The following SYCP2L variants were observed in gnomAD, a reference collection of about 807,000 sequenced individuals.
SYCP2L encodes synaptonemal complex protein 2-like.
Under a neutral mutation model 125.8 loss-of-function variants are expected in SYCP2L, and 98 were observed. The ratio of observed to expected loss-of-function variants is 0.78; its 90% CI spans 0.66 to 0.92. The LOEUF (loss-of-function observed/expected upper bound fraction) is 0.92. SYCP2L is among the 40% of genes least tolerant of loss of function. SYCP2L has a pLI of 0.00. For missense variants in SYCP2L, 842 were observed against 936.4 expected, an observed-to-expected ratio of 0.90 and a Z score of 1.32; for synonymous variants, 317 against 325.4, an observed-to-expected ratio of 0.97 and a Z score of 0.28.
intron 1 of SYCP2L, among the ~76,000 whole-genome samples, 179 bp from the exon 2 acceptor site, chr6:10,891,334 C>A (rs924891828): frequency 2.6e-5 from 4 of 151,052 alleles, no homozygotes; most frequent in African/African-American, 7.3e-5. Context: ...TAAAGTTTTT[C>A]TCTTTTTTCT....
intron 9 of SYCP2L, 54 bp from the exon 10 acceptor site, chr6:10,907,488 T>C: frequency 6.5e-7 from 1 of 1,532,556 alleles, no homozygotes; most frequent in Non-Finnish European, 8.8e-7. Context: ...AACTCATTTT[T>C]TCTTTTGCTT....
chr6:10,894,037 A>G, intron 3 of SYCP2L, 33 bp downstream of exon 3: 1 of 1,602,684 alleles, frequency 6.2e-7, no homozygotes, highest in South Asian at 1.1e-5. Flanking sequence ...CAAAATACAA[A>G]TGTATAATTA....
chr6:10,926,150 G>A (rs1037447536), intron 15 of SYCP2L, among the ~76,000 whole-genome samples, 189 bp from the exon 16 acceptor site: 33 of 152,346 alleles, frequency 2.2e-4, no homozygotes, highest in Middle Eastern at 3.4e-3. Flanking sequence ...GCCCGAGCTG[G>A]TCCTGTAGGG....
At position 10,912,890 on chromosome 6, in the gene SYCP2L, A is replaced by C; in HGVS notation, c.1035A>C (p.Thr345=). ...AGAATACTCTATGGGACTCAGTGACACTTCCGAAGGAAGCGGTGATGAATT... is the reference window on the plus strand; with the variant it reads ...AGAATACTCTATGGGACTCAGTGACCCTTCCGAAGGAAGCGGTGATGAATT... The part of the protein sequence containing the change: ...NAENTLWDSV[T]LPKEAVMNFS... Residue 345 remains threonine (T), a synonymous_variant, in exon 14 of 30, where the codon ACA becomes ACC. Coordinates refer to ENST00000283141, the MANE Select transcript of SYCP2L (RefSeq NM_001040274.3). This position sits in a 1 kb window ranked among gnomAD's most constrained non-coding sequence, Gnocchi z 4.1. 6.2e-7 allele frequency: 1 copy of C among 1,613,968 alleles called. No homozygotes were observed. The highest frequency in any genetic ancestry group is 1.1e-5 in the South Asian group (1 of 91,082).
At chr6:10,935,653 C>T (rs1001634803) in intron 21 of SYCP2L, among the ~76,000 whole-genome samples, 1 of 151,862 alleles carries the variant, frequency 6.6e-6, no homozygotes, top group Non-Finnish European at 1.5e-5. Context: ...GCCTCCCATG[C>T]CCGGCTAATT....
At chr6:10,930,568 C>G in intron 19 of SYCP2L, 54 bp downstream of exon 19, 1 of 1,550,238 alleles carries the variant, frequency 6.5e-7, no homozygotes, top group Non-Finnish European at 8.7e-7. Context: ...ATTTTCAAAT[C>G]AGATATTTAT....
intron 12 of SYCP2L, among the ~76,000 whole-genome samples, chr6:10,911,646 C>G (rs1185525224): frequency 2.6e-5 from 4 of 152,186 alleles, no homozygotes; most frequent in East Asian, 1.9e-4. Flanking sequence ...AGATTCTGCT[C>G]TCTGTTTGGT....
At chr6:10,922,536 G>A (rs528517387) in intron 14 of SYCP2L, among the ~76,000 whole-genome samples, 6 of 150,848 alleles carry the variant, frequency 4.0e-5, no homozygotes, top group Non-Finnish European at 4.4e-5. Context: ...TGCGATCTCA[G>A]CTCACTGCAA....
In SYCP2L at chr6:10,963,726, C is replaced by T. The variant is rs1781629647; in HGVS notation, c.2415-56C>T. The T allele has an allele frequency of 2.2e-5, 34 of 1,568,830 alleles. No homozygotes were observed. The South Asian group carries it at 2.3e-4, about 11-fold the overall frequency. On this transcript the variant is annotated intron_variant, in intron 28 of 29. Coordinates refer to ENST00000283141, the MANE Select transcript of SYCP2L (RefSeq NM_001040274.3). ...ATGCAGATGTATCTAGATGTATGTT[C>T]TTGTTTTTAAATTGTCTAATGTGAA...
chr6:10,904,741 A>G (rs1009299576), intron 8 of SYCP2L, among the ~76,000 whole-genome samples: 8 of 152,162 alleles, frequency 5.3e-5, no homozygotes, highest in Non-Finnish European at 1.0e-4. Flanking sequence ...TCTGGTTTCT[A>G]TTTAATAGTA....
chr6:10,927,046 C>A (rs1780909737), intron 16 of SYCP2L, among the ~76,000 whole-genome samples, 194 bp from the exon 17 acceptor site: 1 of 152,060 alleles, frequency 6.6e-6, no homozygotes, highest in Admixed American at 6.6e-5. Context: ...CTCCCAAAGT[C>A]CTGGGATTAC....
At chr6:10,889,152 G>A (rs896439423) in intron 1 of SYCP2L, among the ~76,000 whole-genome samples, 4 of 152,292 alleles carry the variant, frequency 2.6e-5, no homozygotes, top group Admixed American at 1.3e-4. Flanking sequence ...GAGCCACTGC[G>A]CCTGGCCTAA....
At chr6:10,938,714 AC>A (rs1174266638) in intron 21 of SYCP2L, among the ~76,000 whole-genome samples, 1 of 152,262 alleles carries the variant, frequency 6.6e-6, no homozygotes, top group Non-Finnish European at 1.5e-5. Context: ...GTTGCAGGAT[AC>A]AAAATCAACA....
intron 20 of SYCP2L, among the ~76,000 whole-genome samples, chr6:10,932,495 A>C (rs1299043616): frequency 6.6e-6 from 1 of 152,148 alleles, no homozygotes; most frequent in Non-Finnish European, 1.5e-5. Context: ...CTCATGCAGA[A>C]ATAGTTTGGT....
chr6:10,928,102 C>T (rs901224575), intron 17 of SYCP2L, among the ~76,000 whole-genome samples: 1 of 151,950 alleles, frequency 6.6e-6, no homozygotes, highest in African/African-American at 2.4e-5. Context: ...ACATGCTCTA[C>T]AATTTGTGCA....
chr6:10,948,627 A>G (rs1352434299), intron 23 of SYCP2L, among the ~76,000 whole-genome samples: 2 of 152,010 alleles, frequency 1.3e-5, no homozygotes, highest in Non-Finnish European at 2.9e-5. Flanking sequence ...TGAATACCTT[A>G]TTAATGAGCT....
intron 23 of SYCP2L, among the ~76,000 whole-genome samples, chr6:10,950,752 C>CCAGGCTT (rs1561698554): frequency 6.6e-6 from 1 of 152,062 alleles, no homozygotes; most frequent in East Asian, 1.9e-4. Flanking sequence ...CTTCGATCTC[C>CCAGGCTT]CAGGCTTAAG....
At chr6:10,931,354 T>C (rs1225729) in intron 19 of SYCP2L, 86 bp from the exon 20 acceptor site, 1,290,036 of 1,295,226 alleles carry the variant, frequency 1, 642,485 homozygotes, top group East Asian at 1. Flanking sequence ...TTGCTTTTAG[T>C]GTTAGCATAT....
intron 4 of SYCP2L, among the ~76,000 whole-genome samples, chr6:10,897,671 C>G (rs1320161973): frequency 6.6e-6 from 1 of 152,198 alleles, no homozygotes; most frequent in Non-Finnish European, 1.5e-5. Context: ...CTCGGCCTCT[C>G]AAAGTGCTGG....
Sources: allele counts gnomAD v4.1 joint callset (sites outside exome capture counted in the v4.1 genomes callset), GRCh38; gene constraint gnomAD v4.1.1; non-coding constraint Gnocchi (gnomAD v3.1); transcripts MANE v1.5; gene names NCBI Gene and HGNC (gene_info 2026-07-23, HGNC 2026-07-21).